Variants in TUBD1 observed in about 807,000 individuals in gnomAD.
TUBD1 encodes tubulin delta 1, also known as tubulin delta chain.
A neutral mutation model predicts 51.2 loss-of-function variants in TUBD1; 38 were observed. The observed-to-expected ratio is 0.74, with a 90% confidence interval of 0.57 to 0.97. TUBD1 has a LOEUF of 0.97. TUBD1 is among the 50% of genes least tolerant of loss of function. TUBD1 has a pLI of 0.00. For missense variants in TUBD1, 489 were observed against 538.4 expected, an observed-to-expected ratio of 0.91 and a Z score of 0.91; for synonymous variants, 169 against 178.2, an observed-to-expected ratio of 0.95 and a Z score of 0.41.
chr17:59,862,040 G>A (rs2144409969), intron 8 of TUBD1, among the ~76,000 whole-genome samples: 1 of 151,332 alleles, frequency 6.6e-6, no homozygotes, highest in Admixed American at 6.6e-5. Context: ...AAAGTTATAG[G>A]TGGCTGGGCA....
intron 6 of TUBD1, among the ~76,000 whole-genome samples, chr17:59,870,372 C>CAAAAAAAA (rs530315478): frequency 3.2e-4 from 25 of 77,950 alleles, no homozygotes; most frequent in African/African-American, 4.0e-4. Context: ...CTCCATCTCA[C>CAAAAAAAA]AAAAAAAAAA....
At chr17:59,877,792 AAT>A (rs1388221238) in intron 5 of TUBD1, among the ~76,000 whole-genome samples, 10 of 152,044 alleles carry the variant, frequency 6.6e-5, no homozygotes, top group African/African-American at 2.2e-4. Context: ...AAAAAAAAAA[AAT>A]CATTGACTTG....
At position 59,866,705 on chromosome 17, in the gene TUBD1, G is replaced by A. The variant is rs1345291281; in HGVS notation, c.979C>T (p.Leu327Phe). The A allele has an allele frequency of 1.9e-6, 3 of 1,614,086 alleles. No individual in the cohort carries two copies. The highest frequency in any genetic ancestry group is 1.1e-5 in the South Asian group (1 of 91,074). The change falls in exon 7 of 9, where the codon CTT becomes TTT. Residue 327 changes from leucine to phenylalanine, a missense_variant. By Grantham distance (22) the Leu-to-Phe change is conservative. Transcript: ENST00000325752. ...TCCTTGTTGAGAGACATTTTACTAA[G>A]AGGAGGAAGTCCTGATAAAGGAGGC... ...VWPPLSGLPP[L>F]SKMSLNKDLH...
At chr17:59,888,518 T>G (rs1176710164) in intron 2 of TUBD1, among the ~76,000 whole-genome samples, 2 of 152,164 alleles carry the variant, frequency 1.3e-5, no homozygotes, top group Non-Finnish European at 2.9e-5. Context: ...ATGAGAGATG[T>G]GGGTGGAGAT....
chr17:59,866,110 CAAAAAAAAAAA>C (rs1191579900), intron 7 of TUBD1, among the ~76,000 whole-genome samples: 2 of 76,220 alleles, frequency 2.6e-5, no homozygotes, highest in Admixed American at 3.0e-4. Context: ...GACCCCGTCT[CAAAAAAAAAAA>C]AAAAAAAAAA....
Position 59,874,520 on chromosome 17 carries a change from T to G in TUBD1, c.934+19A>C, listed in dbSNP as rs1462985123. 18 of 1,605,634 alleles carry G rather than the reference T, an allele frequency of 1.1e-5. No individual in the cohort carries two copies. Among genetic ancestry groups the G allele is most frequent in the Non-Finnish European group, 1.4e-5 (17 of 1,177,778 alleles). The stretch of plus-strand genomic sequence containing the variant: ...TTTTTTCCAGCTTGTGGGCTGCATA[T>G]TTTTGGACTACTCTTTACCTTCTTC... On this transcript the variant is annotated intron_variant, in intron 6 of 8. Coordinates refer to ENST00000325752, the MANE Select transcript of TUBD1 (RefSeq NM_016261.4).
chr17:59,880,780 C>T (rs2040449969), intron 4 of TUBD1, 114 bp downstream of exon 4: 1 of 977,050 alleles, frequency 1.0e-6, no homozygotes, highest in Admixed American at 2.1e-5. Flanking sequence ...TCCCAAAGTG[C>T]TGGGATTACA....
chr17:59,869,291 T>A lies in TUBD1; in HGVS notation c.935-2542A>T, dbSNP rs140649647. ...GAGTTCAAGACCAGCCTGGCCAATATGGTGAAACCCCGTCTCTACTAAAAA... is the reference window on the plus strand; with the variant it reads ...GAGTTCAAGACCAGCCTGGCCAATAAGGTGAAACCCCGTCTCTACTAAAAA... On this transcript the variant is annotated intron_variant, in intron 6 of 8. Coordinates refer to ENST00000325752, the MANE Select transcript of TUBD1 (RefSeq NM_016261.4). 2.7e-3 allele frequency among the ~76,000 whole-genome samples: 408 copies of A among 151,688 alleles called. 2 individuals are homozygous for A. Among genetic ancestry groups the A allele is most frequent in the African/African-American group, 8.8e-3 (366 of 41,388 alleles).
intron 3 of TUBD1, among the ~76,000 whole-genome samples, 195 bp from the exon 4 acceptor site, chr17:59,881,305 A>G (rs1209293282): frequency 6.6e-6 from 1 of 152,210 alleles, no homozygotes; most frequent in Admixed American, 6.6e-5. Context: ...ACTTATGCCT[A>G]GTGTTCCATT....
At chr17:59,865,083 C>T (rs1281063331) in intron 7 of TUBD1, among the ~76,000 whole-genome samples, 1 of 151,302 alleles carries the variant, frequency 6.6e-6, no homozygotes, top group Non-Finnish European at 1.5e-5. Context: ...GTTTCGAACT[C>T]CTAGCCTCAA....
At chr17:59,885,275 G>A in intron 3 of TUBD1, 1 of 577,768 alleles carries the variant, frequency 1.7e-6, no homozygotes, top group South Asian at 1.6e-5. Context: ...CCATGGTATA[G>A]CTGGGACCAG....
chr17:59,891,297 A>C (rs1321259681), intron 1 of TUBD1, among the ~76,000 whole-genome samples: 1 of 151,802 alleles, frequency 6.6e-6, no homozygotes, highest in Non-Finnish European at 1.5e-5. Context: ...CGCCTGGCTA[A>C]TTTTTGTATT....
chr17:59,868,020 T>C (rs1342267148), intron 6 of TUBD1, among the ~76,000 whole-genome samples: 1 of 143,706 alleles, frequency 7.0e-6, no homozygotes, highest in Non-Finnish European at 1.5e-5. Flanking sequence ...CCTAGCACTT[T>C]GGGAGGCTGA....
chr17:59,869,520 A>G (rs1401886743), intron 6 of TUBD1, among the ~76,000 whole-genome samples: 1 of 151,996 alleles, frequency 6.6e-6, no homozygotes, highest in Non-Finnish European at 1.5e-5. Flanking sequence ...TTGACACCCT[A>G]AAAGTTCCAC....
chr17:59,888,128 GA>G (rs1441824567), intron 2 of TUBD1, among the ~76,000 whole-genome samples: 1 of 152,040 alleles, frequency 6.6e-6, no homozygotes, highest in Non-Finnish European at 1.5e-5. Context: ...GTAGAGACGG[GA>G]TTTTACTGTG....
chr17:59,892,140 G>A (rs2041113015), intron 1 of TUBD1, among the ~76,000 whole-genome samples: 2 of 152,188 alleles, frequency 1.3e-5, no homozygotes, highest in South Asian at 4.1e-4. Context: ...AATAGCTTAC[G>A]CTTTCTCCAC....
chr17:59,871,309 C>T (rs1028738362), intron 6 of TUBD1, among the ~76,000 whole-genome samples: 2 of 152,106 alleles, frequency 1.3e-5, no homozygotes, highest in Non-Finnish European at 2.9e-5. Flanking sequence ...AAGCAATTCT[C>T]CTGCCTTAGC....
intron 8 of TUBD1, among the ~76,000 whole-genome samples, chr17:59,862,787 C>G (rs983360581): frequency 1.5e-5 from 2 of 135,494 alleles, no homozygotes; most frequent in African/African-American, 5.7e-5. Flanking sequence ...TGCAGTGGCG[C>G]GATCTCGGCT....
intron 6 of TUBD1, among the ~76,000 whole-genome samples, chr17:59,870,749 T>C (rs527278656): frequency 6.6e-6 from 1 of 152,256 alleles, no homozygotes; most frequent in South Asian, 2.1e-4. Context: ...ACGCTGAGTA[T>C]GATATTTGGA....
Sources: gnomAD v4.1 joint callset for allele counts (sites outside exome capture counted in the v4.1 genomes callset) on GRCh38, gnomAD v4.1.1 for gene constraint, MANE v1.5 for transcripts, NCBI Gene and HGNC (gene_info 2026-07-23, HGNC 2026-07-21) for gene names.